Variants in CCN3 observed in about 807,000 individuals in gnomAD.
CCN3 encodes the protein CCN family member 3.
A neutral mutation model predicts 33.4 loss-of-function variants in CCN3; 20 were observed. The ratio of observed to expected loss-of-function variants is 0.60; its 90% CI spans 0.42 to 0.87. The LOEUF is 0.87. Ranked by LOEUF, CCN3 falls within the 40% of genes least tolerant of loss-of-function variation. The probability of loss-of-function intolerance (pLI) is 0.00; values close to 1 mark genes in which losing one functional copy is unlikely to be tolerated. For synonymous variants in CCN3, 205 were observed against 170.4 expected (o/e 1.20, Z -1.58); for missense variants, 465 against 455.3 (o/e 1.02, Z -0.19).
intron 4 of CCN3, 32 bp from the exon 5 acceptor site, chr8:119,422,804 A>C: frequency 6.4e-7 from 1 of 1,558,144 alleles, no homozygotes; most frequent in Non-Finnish European, 8.7e-7. Context: ...AATGGTAGCC[A>C]TTCAATACAT....
In CCN3 at chr8:119,419,328, G is replaced by A; in HGVS notation, c.760G>A (p.Glu254Lys). The change falls in exon 4 of 5, where the codon GAG becomes AAG. Residue 254 changes from glutamate (E) to lysine (K), a missense_variant. By Grantham distance (56) the Glu-to-Lys change is moderately conservative. Transcript: ENST00000259526. ...GGTGCGGCCCTGTGAACAAGAGCCAGAGCAGCCAACAGATAAGGTAGGAGC... is the reference window on the plus strand; with the variant it reads ...GGTGCGGCCCTGTGAACAAGAGCCAAAGCAGCCAACAGATAAGGTAGGAGC... The part of the protein sequence containing the change: ...CMVRPCEQEP[E>K]QPTDKKGKKC... 3.7e-6 allele frequency: 6 copies of A among 1,613,804 alleles called. No homozygotes were observed. The highest frequency in any genetic ancestry group is 5.1e-6 in the Non-Finnish European group (6 of 1,180,028).
intron 4 of CCN3, among the ~76,000 whole-genome samples, chr8:119,421,454 C>A (rs1035987900): frequency 2.6e-5 from 4 of 152,110 alleles, no homozygotes; most frequent in African/African-American, 9.7e-5. Context: ...TTAAGAAATC[C>A]TCTAGATGAT....
intron 4 of CCN3, among the ~76,000 whole-genome samples, chr8:119,422,192 A>AAG (rs368513537): frequency 5.3e-5 from 8 of 151,302 alleles, no homozygotes; most frequent in Admixed American, 3.3e-4. Flanking sequence ...GAAAGGCAGA[A>AAG]AGAGAGAGAG....
In CCN3 at chr8:119,418,153, G is replaced by A. The variant is rs1820078347; in HGVS notation, c.406G>A (p.Gly136Arg). 1 of 1,614,218 alleles carries A rather than the reference G, an allele frequency of 6.2e-7. No individual in the cohort carries two copies. The highest frequency in any genetic ancestry group is 8.5e-7 in the Non-Finnish European group (1 of 1,180,030). The change falls in exon 3 of 5, where the codon GGG (glycine) becomes AGG (arginine). Residue 136 changes from glycine (G) to arginine (R), a missense_variant. Physicochemically the swap from Gly to Arg is moderately radical, Grantham distance 125. Transcript: ENST00000259526. ...CAAATTCCAGTGCACCTGCAGAGAT[G>A]GGCAGATTGGCTGTGTGCCCCGCTG... ...SCKFQCTCRDGQIGCVPRCQL... is the reference protein window; with the variant it reads ...SCKFQCTCRDRQIGCVPRCQL...
At chr8:119,417,010 G>A (rs1820060742) in intron 2 of CCN3, 41 bp downstream of exon 2, 5 of 1,506,198 alleles carry the variant, frequency 3.3e-6, no homozygotes, top group Non-Finnish European at 4.5e-6. Flanking sequence ...TTCTCCTGCA[G>A]CTAAGTGAAG....
intron 4 of CCN3, among the ~76,000 whole-genome samples, chr8:119,421,691 C>G (rs1057268547): frequency 6.6e-6 from 1 of 152,196 alleles, no homozygotes; most frequent in Non-Finnish European, 1.5e-5. Flanking sequence ...ACATTCTCCA[C>G]TTTATTTGCC....
chr8:119,422,822 T>C lies in CCN3; in HGVS notation c.778-14T>C, dbSNP rs763209221. On this transcript the variant is annotated splice_polypyrimidine_tract_variant and intron_variant, in intron 4 of 4. Transcript: ENST00000259526. ...GGTAGCCATTCAATACATCACTTCT[T>C]TTTTCTTTCTTAGAAAGGAAAAAAG... The C allele has an allele frequency of 3.1e-6, 5 of 1,587,760 alleles. No individual in the cohort carries two copies. Among genetic ancestry groups the C allele is most frequent in the Non-Finnish European group, 4.3e-6 (5 of 1,165,754 alleles).
In CCN3 at chr8:119,416,958, G is replaced by A. The variant is rs930030623; in HGVS notation, c.299G>A (p.Gly100Asp). Residue 100 changes from glycine to aspartate, a missense_variant, in exon 2 of 5, where the codon GGC becomes GAC. Gly to Asp is a moderately conservative substitution (Grantham distance 94). Transcript: ENST00000259526. ...AGCGCGGACCCCAGCAACCAGACTG[G>A]CATCTGCACGGGTAATCCTGCTCCC... Reference protein sequence around the residue: ...DRSADPSNQTGICTAVEGDNC... With the variant: ...DRSADPSNQTDICTAVEGDNC... The A allele has an allele frequency of 1.2e-6, 2 of 1,612,046 alleles. No homozygotes were observed. Among genetic ancestry groups the A allele is most frequent in the Non-Finnish European group, 1.7e-6 (2 of 1,178,640 alleles).
At chr8:119,422,481 C>A (rs1387580630) in intron 4 of CCN3, among the ~76,000 whole-genome samples, 1 of 152,202 alleles carries the variant, frequency 6.6e-6, no homozygotes, top group Non-Finnish European at 1.5e-5. Context: ...CACCTGCATG[C>A]TCATCTCCTC....
At chr8:119,422,473 C>T (rs1234537239) in intron 4 of CCN3, among the ~76,000 whole-genome samples, 1 of 152,292 alleles carries the variant, frequency 6.6e-6, no homozygotes, top group Admixed American at 6.5e-5. Flanking sequence ...TATGCTTTCA[C>T]CTGCATGCTC....
At chr8:119,421,298 C>T (rs1173533973) in intron 4 of CCN3, among the ~76,000 whole-genome samples, 3 of 152,096 alleles carry the variant, frequency 2.0e-5, no homozygotes, top group East Asian at 1.9e-4. Context: ...CCTGAGCCAC[C>T]GCGCCCGGCC....
In CCN3 at chr8:119,416,838, G is replaced by T; in HGVS notation, c.179G>T (p.Gly60Val). ...CCCGGGGTGCGCGCGGTGCTGGACG[G>T]CTGCTCATGCTGTCTGGTGTGTGCC... ...CAPGVRAVLD[G>V]CSCCLVCARQ... Residue 60 changes from glycine to valine, a missense_variant, in exon 2 of 5, where the codon GGC (glycine) becomes GTC (valine). Coordinates refer to ENST00000259526, the MANE Select transcript of CCN3 (RefSeq NM_002514.4). The T allele has an allele frequency of 1.9e-6, 3 of 1,612,220 alleles. No homozygotes were observed. Among genetic ancestry groups the T allele is most frequent in the Non-Finnish European group, 2.5e-6 (3 of 1,179,526 alleles).
In CCN3 at chr8:119,423,319, C is replaced by A; in HGVS notation, c.*187C>A. Reference sequence around the variant, plus strand: ...AACAAAAAATGTAATTAACTGTAAACTTGGAATCAAGGTAAGCTCAGGATA... The same window carrying A: ...AACAAAAAATGTAATTAACTGTAAAATTGGAATCAAGGTAAGCTCAGGATA... On this transcript the variant is annotated 3_prime_UTR_variant, in exon 5 of 5. Transcript: ENST00000259526. 1 of 560,302 alleles carries A rather than the reference C, an allele frequency of 1.8e-6. No individual in the cohort carries two copies. The highest frequency in any genetic ancestry group is 3.0e-6 in the Non-Finnish European group (1 of 327,980). 34.7% of individuals were successfully genotyped at this position (560,302 alleles called of 1,614,324 possible).
In CCN3 at chr8:119,423,216, G is replaced by A; in HGVS notation, c.*84G>A. The A allele has an allele frequency of 7.7e-7, 1 of 1,307,148 alleles. No individual in the cohort carries two copies. The highest frequency in any genetic ancestry group is 1.1e-6 in the Non-Finnish European group (1 of 940,050). The allele number at this position is 1,307,148 out of a possible 1,614,324, so 81.0% of individuals were successfully genotyped here. A position where few individuals can be genotyped will look rare whatever the true frequency, so the allele number is the denominator to read the frequency against. On this transcript the variant is annotated 3_prime_UTR_variant, in exon 5 of 5. Coordinates refer to ENST00000259526, the MANE Select transcript of CCN3 (RefSeq NM_002514.4). ...AAAGGAATATAAGAAAAGTAATGAAGAATCACGATTTCATCCTTGAATCCT... is the reference window on the plus strand; with the variant it reads ...AAAGGAATATAAGAAAAGTAATGAAAAATCACGATTTCATCCTTGAATCCT...
At chr8:119,418,991 C>T in intron 3 of CCN3, 140 bp from the exon 4 acceptor site, 1 of 608,976 alleles carries the variant, frequency 1.6e-6, no homozygotes. Flanking sequence ...TAAATAAATT[C>T]AGTTCTGTGT....
rs1820091927 is a variant in CCN3, at chr8:119,419,186, C to A, written c.618C>A (p.Cys206Ter). Residue 206 changes from cysteine (C) to a stop codon, truncating the protein, a stop_gained, in exon 4 of 5, where the codon TGC becomes TGA. Transcript: ENST00000259526. LOFTEE classifies it high-confidence loss of function. Reference sequence around the variant, plus strand: ...AAGTCTCTGACTCAAGTGTCAACTGCATTGAACAGACCACAGAGTGGACAG... The same window carrying A: ...AAGTCTCTGACTCAAGTGTCAACTGAATTGAACAGACCACAGAGTGGACAG... ...GVEVSDSSVN[C>*]IEQTTEWTAC... 1 of 1,614,106 alleles carries A rather than the reference C, an allele frequency of 6.2e-7. No individual in the cohort carries two copies. Among genetic ancestry groups the A allele is most frequent in the African/African-American group, 1.3e-5 (1 of 74,928 alleles).
chr8:119,416,461 G>T lies in CCN3; in HGVS notation c.-72G>T. 6.9e-7 allele frequency: 1 copy of T among 1,440,298 alleles called. No homozygotes were observed. 89.2% of individuals were successfully genotyped at this position (1,440,298 alleles called of 1,614,324 possible). On this transcript the variant is annotated 5_prime_UTR_variant, in exon 1 of 5. Transcript: ENST00000259526. ...CGTGATCGGCAAGCACCGGACCAGG[G>T]GGAAGGCGAGCAGTGCCAATCTACA...
At position 119,419,303 on chromosome 8, in the gene CCN3, G is replaced by A; in HGVS notation, c.735G>A (p.Met245Ile). The A allele has an allele frequency of 6.2e-7, 1 of 1,614,134 alleles. No individual in the cohort carries two copies. The highest frequency in any genetic ancestry group is 1.1e-5 in the South Asian group (1 of 91,072). The part of the protein sequence containing the change: ...CEMLKQTRLC[M>I]VRPCEQEPEQ... The stretch of plus-strand genomic sequence containing the variant: ...TGCTGAAACAGACTCGGCTCTGCAT[G>A]GTGCGGCCCTGTGAACAAGAGCCAG... The change falls in exon 4 of 5, where the codon ATG becomes ATA. Residue 245 changes from methionine to isoleucine, a missense_variant. Transcript: ENST00000259526.
chr8:119,422,872 A>G lies in CCN3; in HGVS notation c.814A>G (p.Lys272Glu). ...GTGTCTCCGCACCAAGAAGTCACTC[A>G]AAGCCATCCACCTGCAGTTCAAGAA... ...KKCLRTKKSL[K>E]AIHLQFKNCT... Residue 272 changes from lysine to glutamate, a missense_variant, in exon 5 of 5, where the codon AAA becomes GAA. Transcript: ENST00000259526. 1.9e-6 allele frequency: 3 copies of G among 1,612,510 alleles called. No individual in the cohort carries two copies. Among genetic ancestry groups the G allele is most frequent in the Non-Finnish European group, 2.5e-6 (3 of 1,178,894 alleles).
Sources: allele counts gnomAD v4.1 joint callset (sites outside exome capture counted in the v4.1 genomes callset), GRCh38; gene constraint gnomAD v4.1.1; transcripts MANE v1.5; gene names NCBI Gene and HGNC (gene_info 2026-07-23, HGNC 2026-07-21).